HADHA: variants seen among roughly 807,000 people sequenced by gnomAD.
HADHA encodes trifunctional enzyme subunit alpha, mitochondrial.
In HADHA, 59 loss-of-function variants were observed where a neutral mutation model predicts 91.3. That is an observed-to-expected ratio of 0.65 (90% CI 0.52 to 0.80). The LOEUF is 0.80. Ranked by LOEUF, HADHA falls within the 30% of genes least tolerant of loss-of-function variation. The pLI, the probability that HADHA is intolerant of heterozygous loss-of-function variation, is 0.00. For synonymous variants in HADHA, 320 were observed against 338.9 expected, an observed-to-expected ratio of 0.94 and a Z score of 0.61; for missense variants, 800 against 927.6, an observed-to-expected ratio of 0.86 and a Z score of 1.79.
chr2:26,191,736 G>T, intron 18 of HADHA, 108 bp from the exon 19 acceptor site: 5 of 1,110,998 alleles, frequency 4.5e-6, no homozygotes, highest in South Asian at 3.8e-5. Flanking sequence ...AGCTCTGTGG[G>T]CCGGTTGGTG....
At chr2:26,230,045 A>G (rs534785676) in intron 7 of HADHA, 147 bp downstream of exon 7, 362 of 645,564 alleles carry the variant, frequency 5.6e-4, no homozygotes, top group South Asian at 2.2e-3. Flanking sequence ...CTGGTCTCAA[A>G]CTCCTGACCT....
chr2:26,221,824 C>A lies in HADHA; in HGVS notation c.677-6649G>T, dbSNP rs1670381228. Among the ~76,000 whole-genome samples the A allele has an allele frequency of 6.6e-6, 1 of 152,200 alleles. No individual in the cohort carries two copies. Among genetic ancestry groups the A allele is most frequent in the Non-Finnish European group, 1.5e-5 (1 of 68,034 alleles). ...CTTAAGGACAGTGGTGAAGGGATAG[C>A]CTCCCAGTGGGCAGTACTTCTGACA... On this transcript the variant is annotated intron_variant, in intron 7 of 19. Transcript: ENST00000380649. The surrounding 1 kb of genome is among the most constrained non-coding windows in gnomAD (Gnocchi z 4.8).
intron 1 of HADHA, among the ~76,000 whole-genome samples, chr2:26,242,303 T>C (rs890217502): frequency 2.0e-5 from 3 of 152,226 alleles, no homozygotes; most frequent in Admixed American, 6.5e-5. Flanking sequence ...AATAGTAATA[T>C]AAGGGTGCAG....
intron 4 of HADHA, among the ~76,000 whole-genome samples, chr2:26,236,420 G>GTGTGTGTATATA (rs553522257): frequency 6.0e-5 from 7 of 116,478 alleles, no homozygotes; most frequent in African/African-American, 2.2e-4. Context: ...GTGTGTGTGT[G>GTGTGTGTATATA]TATATACTTT....
intron 9 of HADHA, among the ~76,000 whole-genome samples, chr2:26,213,481 A>G (rs944165704): frequency 3.9e-5 from 6 of 152,162 alleles, no homozygotes; most frequent in African/African-American, 1.4e-4. Flanking sequence ...ACATCTCATT[A>G]TCCCCCACAA....
At chr2:26,204,288 T>G (rs1669923022) in intron 11 of HADHA, 92 bp from the exon 12 acceptor site, 7 of 1,056,544 alleles carry the variant, frequency 6.6e-6, no homozygotes, top group Non-Finnish European at 3.0e-6. Flanking sequence ...ATAAACCAAC[T>G]AATGCAGGCA....
intron 1 of HADHA, among the ~76,000 whole-genome samples, chr2:26,240,196 A>G (rs1670858191): frequency 6.6e-6 from 1 of 152,196 alleles, no homozygotes; most frequent in Non-Finnish European, 1.5e-5. Flanking sequence ...TGTTTCACCA[A>G]CCACATTGTA....
intron 17 of HADHA, 111 bp downstream of exon 17, chr2:26,193,466 C>T: frequency 2.2e-6 from 2 of 916,546 alleles, no homozygotes; most frequent in Admixed American, 3.4e-5. Context: ...GATAAGGGCT[C>T]TGTGTTTAGA....
intron 13 of HADHA, among the ~76,000 whole-genome samples, chr2:26,198,467 C>CCAGTTATT (rs1027149826): frequency 1.3e-5 from 2 of 151,556 alleles, no homozygotes; most frequent in African/African-American, 4.9e-5. Flanking sequence ...CCTCCGCCTC[C>CCAGTTATT]CAGTTATTCA....
intron 18 of HADHA, among the ~76,000 whole-genome samples, chr2:26,191,947 G>C (rs759453302): frequency 6.6e-6 from 1 of 152,240 alleles, no homozygotes; most frequent in South Asian, 2.1e-4. Context: ...AGGGGCCAAG[G>C]AGAATCTGTC....
At chr2:26,244,499 G>A (rs1214441100) in intron 1 of HADHA, 31 bp downstream of exon 1, 1 of 1,556,816 alleles carries the variant, frequency 6.4e-7, no homozygotes, top group Non-Finnish European at 8.7e-7. Flanking sequence ...GTTCTGCCCG[G>A]AGGTCTGGGA....
chr2:26,191,708 C>A, intron 18 of HADHA, 80 bp from the exon 19 acceptor site: 2 of 1,444,522 alleles, frequency 1.4e-6, no homozygotes, highest in South Asian at 2.3e-5. Flanking sequence ...GAATGGAAGT[C>A]GGGATGGGTG....
chr2:26,215,634 C>T (rs1330478227), intron 7 of HADHA, among the ~76,000 whole-genome samples: 1 of 152,132 alleles, frequency 6.6e-6, no homozygotes, highest in African/African-American at 2.4e-5. Context: ...ATTTTCTTTT[C>T]AGGGATGTGT....
At chr2:26,196,432 TTGAAG>T (rs1163349838) in intron 14 of HADHA, among the ~76,000 whole-genome samples, 1 of 152,258 alleles carries the variant, frequency 6.6e-6, no homozygotes, top group African/African-American at 2.4e-5. Flanking sequence ...TGCACAGATC[TTGAAG>T]TGTTCACATC....
At chr2:26,201,818 G>A (rs554249592) in intron 12 of HADHA, among the ~76,000 whole-genome samples, 1 of 150,818 alleles carries the variant, frequency 6.6e-6, no homozygotes, top group Non-Finnish European at 1.5e-5. Context: ...TTTTTGAGAC[G>A]GAGTCTCGCT....
At position 26,225,397 on chromosome 2, in the gene HADHA, C is replaced by CA. The variant is rs35279747; in HGVS notation, c.676+4794dup. On this transcript the variant is annotated intron_variant, in intron 7 of 19. Transcript: ENST00000380649. ...CTGGCGACAGGGTGAGACTCCATCT[C>CA]AAAAAAAAAAAAAAAAGAGGAGAGA... is the stretch of plus-strand genomic sequence containing the variant. Among the ~76,000 whole-genome samples the CA allele has an allele frequency of 5.5e-4, 76 of 139,206 alleles. 1 individual carries two copies. The highest frequency in any genetic ancestry group is 3.8e-3 in the Middle Eastern group (1 of 266). The allele number at this position is 139,206 out of a possible 152,430, so 91.3% of individuals were successfully genotyped here.
At chr2:26,196,050 T>C (rs1455768379) in intron 14 of HADHA, among the ~76,000 whole-genome samples, 1 of 152,258 alleles carries the variant, frequency 6.6e-6, no homozygotes, top group East Asian at 1.9e-4. Context: ...ATATCTGTAA[T>C]TTTTGGCTGC....
chr2:26,208,690 G>C (rs1233259899), intron 11 of HADHA, among the ~76,000 whole-genome samples: 3 of 152,260 alleles, frequency 2.0e-5, no homozygotes, highest in East Asian at 3.9e-4. Context: ...AGAGATACAG[G>C]TTTAAGTGGC....
intron 13 of HADHA, 58 bp from the exon 14 acceptor site, chr2:26,197,835 C>A (rs762279071): frequency 2.3e-6 from 2 of 882,188 alleles, no homozygotes; most frequent in Non-Finnish European, 3.9e-6. Flanking sequence ...GATTAGAGGC[C>A]ACATCAAAGC....
Sources: allele counts gnomAD v4.1 joint callset (sites outside exome capture counted in the v4.1 genomes callset), GRCh38; gene constraint gnomAD v4.1.1; non-coding constraint Gnocchi (gnomAD v3.1); transcripts MANE v1.5; gene names NCBI Gene and HGNC (gene_info 2026-07-23, HGNC 2026-07-21).